The following GYS1 variants were observed in gnomAD, a reference collection of about 807,000 sequenced individuals.
The protein encoded by GYS1 is glycogen synthase 1, also known as glycogen [starch] synthase, muscle.
In GYS1, 60 loss-of-function variants were observed where a neutral mutation model predicts 89.1. The observed-to-expected ratio is 0.67, with a 90% confidence interval of 0.55 to 0.84. GYS1 has a LOEUF of 0.84. Among genes scored for constraint, GYS1 ranks in the 40% least tolerant of loss-of-function variants. The pLI, the probability that GYS1 is intolerant of heterozygous loss-of-function variation, is 0.00. For missense variants in GYS1, 888 were observed against 1,003.1 expected (o/e 0.89, Z 1.55); for synonymous variants, 366 against 401.7 (o/e 0.91, Z 1.06).
At chr19:48,990,852 T>C (rs1477554230) in intron 2 of GYS1, among the ~76,000 whole-genome samples, 2 of 152,236 alleles carry the variant, frequency 1.3e-5, no homozygotes, top group African/African-American at 4.8e-5. Flanking sequence ...TGGAGTGCAG[T>C]GGCCCAATCG....
chr19:48,988,275 T>C (rs1303731672), intron 2 of GYS1, among the ~76,000 whole-genome samples: 2 of 152,204 alleles, frequency 1.3e-5, no homozygotes, highest in African/African-American at 2.4e-5. Context: ...CACATTTCTC[T>C]TACCAACCAT....
chr19:48,979,331 C>CTTTTTTTTTTTTTT (rs1568620568), intron 8 of GYS1, among the ~76,000 whole-genome samples: 2 of 46,352 alleles, frequency 4.3e-5, no homozygotes, highest in South Asian at 8.7e-4. Context: ...TTTCTTTTTT[C>CTTTTTTTTTTTTTT]TTTTCTTTTT....
At chr19:48,981,986 G>A (rs941796988) in intron 7 of GYS1, among the ~76,000 whole-genome samples, 4 of 152,040 alleles carry the variant, frequency 2.6e-5, no homozygotes, top group African/African-American at 4.8e-5. Flanking sequence ...TCCACCTCCC[G>A]GGCTCGCGTG....
intron 10 of GYS1, among the ~76,000 whole-genome samples, chr19:48,976,997 C>T (rs1005153604): frequency 2.6e-5 from 4 of 152,042 alleles, no homozygotes; most frequent in African/African-American, 9.7e-5. Context: ...TCATGTTGCC[C>T]AGGCTGGTCT....
chr19:48,972,003 G>A (rs1322899065), intron 12 of GYS1, among the ~76,000 whole-genome samples: 2 of 147,098 alleles, frequency 1.4e-5, no homozygotes, highest in Non-Finnish European at 3.0e-5. Context: ...CTGGGACTAC[G>A]AGCACACAAC....
Position 48,993,140 on chromosome 19 carries a change from G to C in GYS1, c.-28C>G. 1.5e-6 allele frequency: 2 copies of C among 1,305,884 alleles called. No individual in the cohort carries two copies. Among genetic ancestry groups the C allele is most frequent in the Non-Finnish European group, 2.2e-6 (2 of 899,308 alleles). 80.9% of individuals were successfully genotyped at this position (1,305,884 alleles called of 1,614,324 possible). On this transcript the variant is annotated 5_prime_UTR_variant, in exon 1 of 16. It adds an upstream start codon to the 5' untranslated region. Transcript: ENST00000323798. ...CTGGCGCAGGAAGGGGGGCTCCGGG[G>C]ATCTCCAGGTAGGGACCCCGGAGGT... is the stretch of plus-strand genomic sequence containing the variant.
rs775527451 is a variant in GYS1 at position 48,969,008 on chromosome 19, G to A, written c.*280C>T. On this transcript the variant is annotated 3_prime_UTR_variant, in exon 16 of 16. Coordinates refer to ENST00000323798, the MANE Select transcript of GYS1 (RefSeq NM_002103.5). ...ACCTCTGGCACCACCGCAGAGTAAT[G>A]GCAGATTCCTGGCCTCTGGGAAGCG... The A allele has an allele frequency of 1.6e-6, 1 of 644,900 alleles. No homozygotes were observed. Among genetic ancestry groups the A allele is most frequent in the East Asian group, 3.1e-5 (1 of 32,494 alleles). The allele number at this position is 644,900 out of a possible 1,614,324, so 39.9% of individuals were successfully genotyped here.
At chr19:48,974,754 G>GT (rs1211913893) in intron 10 of GYS1, 21 bp from the exon 11 acceptor site, 1 of 1,531,020 alleles carries the variant, frequency 6.5e-7, no homozygotes, top group African/African-American at 1.4e-5. Context: ...CACAAGAAGG[G>GT]TAAGGGGTCA....
At position 48,991,592 on chromosome 19, in the gene GYS1, C is replaced by CTAGAGG; in HGVS notation, c.119-110_119-109insCCTCTA. On this transcript the variant is annotated intron_variant, in intron 1 of 15. Transcript: ENST00000323798. The surrounding 1 kb of genome is among the most constrained non-coding windows in gnomAD (Gnocchi z 4.7). ...GGGCACTCAGGCCCCAGACCTCTAG[C>CTAGAGG]TCAGGGGGAAGAGGGGACTGGGAGC... 8.4e-7 allele frequency: 1 copy of CTAGAGG among 1,194,948 alleles called. No homozygotes were observed. The highest frequency in any genetic ancestry group is 1.2e-6 in the Non-Finnish European group (1 of 817,748). The allele number at this position is 1,194,948 out of a possible 1,614,324, so 74.0% of individuals were successfully genotyped here. A position where few individuals can be genotyped will look rare whatever the true frequency, so the allele number is the denominator to read the frequency against.
chr19:48,970,970 C>G lies in GYS1; in HGVS notation c.1603G>C (p.Gly535Arg). 4 of 1,614,072 alleles carry G rather than the reference C, an allele frequency of 2.5e-6. No homozygotes were observed. Among genetic ancestry groups the G allele is most frequent in the Non-Finnish European group, 2.5e-6 (3 of 1,179,960 alleles). ...PSISTNLSGFGCFMEEHIADP... is the reference protein window; with the variant it reads ...PSISTNLSGFRCFMEEHIADP... ...GCGATGTGTTCCTCCATGAAGCAGC[C>G]GAAGCCGGAGAGATTGGTGGAGATA... The change falls in exon 13 of 16, where the codon GGC becomes CGC. Residue 535 changes from glycine to arginine, a missense_variant. Transcript: ENST00000323798.
At chr19:48,976,093 G>T (rs2038645374) in intron 10 of GYS1, among the ~76,000 whole-genome samples, 3 of 151,910 alleles carry the variant, frequency 2.0e-5, no homozygotes, top group African/African-American at 4.8e-5. Context: ...GCTCATTAAA[G>T]ATTTTACTTA....
At position 48,977,975 on chromosome 19, in the gene GYS1, C is replaced by T. The variant is rs2038685883; in HGVS notation, c.1257G>A (p.Met419Ile). The change falls in exon 10 of 16, where the codon ATG (methionine) becomes ATA (isoleucine). Residue 419 changes from methionine to isoleucine, a missense_variant. Physicochemically the swap from Met to Ile is conservative, Grantham distance 10. Coordinates refer to ENST00000323798, the MANE Select transcript of GYS1 (RefSeq NM_002103.5). ...LVGSLPDMNK[M>I]LDKEDFTMMK... ...TCATAGTGAAGTCTTCCTTATCCAGCATCTTGTTCATGTCGGGAAGGCTCC... is the reference window on the plus strand; with the variant it reads ...TCATAGTGAAGTCTTCCTTATCCAGTATCTTGTTCATGTCGGGAAGGCTCC... 1 of 1,613,884 alleles carries T rather than the reference C, an allele frequency of 6.2e-7. No individual in the cohort carries two copies. The highest frequency in any genetic ancestry group is 1.7e-5 in the Admixed American group (1 of 59,970).
In GYS1 at chr19:48,969,495, C is replaced by T. The variant is rs1189683358; in HGVS notation, c.2007G>A (p.Glu669=). 2 of 1,544,788 alleles carry T rather than the reference C, an allele frequency of 1.3e-6. No homozygotes were observed. Among genetic ancestry groups the T allele is most frequent in the South Asian group, 1.2e-5 (1 of 84,006 alleles). ...DEEDPRNGPL[E]EDGERYDEDE... ...CCTCATCGTAGCGCTCGCCGTCTTC[C>T]TCCAGCGGCCCGTTCCGGGGATCCT... Residue 669 remains glutamate, a synonymous_variant, in exon 16 of 16, where the codon GAG becomes GAA. Transcript: ENST00000323798.
At chr19:48,992,254 T>A (rs558724680) in intron 1 of GYS1, among the ~76,000 whole-genome samples, 1 of 152,172 alleles carries the variant, frequency 6.6e-6, no homozygotes, top group Non-Finnish European at 1.5e-5. Context: ...GAGATTGGCT[T>A]GTTCCTGGGG....
At chr19:48,974,164 C>T in intron 12 of GYS1, 49 bp downstream of exon 12, 1 of 1,553,392 alleles carries the variant, frequency 6.4e-7, no homozygotes, top group Non-Finnish European at 8.7e-7. Context: ...GACATGCTAG[C>T]TCTGACTAGG....
chr19:48,983,096 CCCT>C (rs1255422268), intron 5 of GYS1, among the ~76,000 whole-genome samples: 1 of 152,128 alleles, frequency 6.6e-6, no homozygotes, highest in Admixed American at 6.6e-5. Flanking sequence ...AAGCAATCCT[CCCT>C]CCTCAGCCTC....
chr19:48,971,113 G>C, intron 12 of GYS1, 90 bp from the exon 13 acceptor site: 3 of 881,672 alleles, frequency 3.4e-6, no homozygotes, highest in East Asian at 4.9e-5. Context: ...CCCTCTACTG[G>C]CGCCTGTACC....
At chr19:48,974,147 G>A (rs774630033) in intron 12 of GYS1, 66 bp downstream of exon 12, 22 of 1,520,454 alleles carry the variant, frequency 1.4e-5, no homozygotes, top group Middle Eastern at 2.2e-4. Context: ...CCAGTGCCTC[G>A]CCCCAAGACA....
intron 10 of GYS1, among the ~76,000 whole-genome samples, chr19:48,976,490 G>C (rs78400026): frequency 6.6e-6 from 1 of 152,028 alleles, no homozygotes; most frequent in Non-Finnish European, 1.5e-5. Context: ...TGAAGTTAGG[G>C]ATCTAAAGCA....
Sources: allele counts gnomAD v4.1 joint callset (sites outside exome capture counted in the v4.1 genomes callset), GRCh38; gene constraint gnomAD v4.1.1; non-coding constraint Gnocchi (gnomAD v3.1); transcripts MANE v1.5; gene names NCBI Gene and HGNC (gene_info 2026-07-23, HGNC 2026-07-21).